ACMSD: variants seen among roughly 807,000 people sequenced by gnomAD.
The protein encoded by ACMSD is 2-amino-3-carboxymuconate-6-semialdehyde decarboxylase.
A neutral mutation model predicts 45.9 loss-of-function variants in ACMSD; 37 were observed. The ratio of observed to expected loss-of-function variants is 0.81; its 90% confidence interval spans 0.62 to 1.06. ACMSD has a LOEUF of 1.06. Ranked by LOEUF, ACMSD falls within the 50% of genes least tolerant of loss-of-function variation. ACMSD has a pLI of 0.00. For missense variants in ACMSD, 434 were observed against 420.9 expected (o/e 1.03, Z -0.27); for synonymous variants, 138 against 148.8 (o/e 0.93, Z 0.53).
intron 2 of ACMSD, 63 bp downstream of exon 2, chr2:134,845,340 T>TCACTG: frequency 5.7e-6 from 9 of 1,588,856 alleles, no homozygotes; most frequent in Non-Finnish European, 6.9e-6. Context: ...ATGGGATACC[T>TCACTG]CACTGCAGGC....
At position 134,847,443 on chromosome 2, in the gene ACMSD, GATAGAT is replaced by G. The variant is rs1374191174; in HGVS notation, c.102+2174_102+2179del. On this transcript the variant is annotated intron_variant, in intron 2 of 9. Transcript: ENST00000356140. ...AGATAGATAGATAGATAGATAGATA[GATAGAT>G]ATAGATAGAGATAGAGATAGATATA... Among the ~76,000 whole-genome samples the G allele has an allele frequency of 2.0e-3, 287 of 142,426 alleles. 1 individual carries two copies. The highest frequency in any genetic ancestry group is 7.1e-3 in the African/African-American group (273 of 38,492). The allele number at this position is 142,426 out of a possible 152,430, so 93.4% of individuals were successfully genotyped here.
chr2:134,850,198 C>A (rs1328530662), intron 2 of ACMSD, among the ~76,000 whole-genome samples: 1 of 150,648 alleles, frequency 6.6e-6, no homozygotes, highest in Admixed American at 6.6e-5. Context: ...TTTCATGAAT[C>A]TTCTTTCTCA....
chr2:134,862,852 A>T, intron 4 of ACMSD: 1 of 502,246 alleles, frequency 2.0e-6, no homozygotes, highest in Non-Finnish European at 2.6e-6. Flanking sequence ...AGGGAGCATT[A>T]GGAAAACCAA....
intron 7 of ACMSD, among the ~76,000 whole-genome samples, chr2:134,871,511 G>GT (rs56946830): frequency 0.54 from 78,521 of 145,426 alleles, 21,704 homozygotes; most frequent in Middle Eastern, 0.85. Flanking sequence ...TTTTGTCATT[G>GT]TTTTTTTTTT....
At chr2:134,862,263 T>G (rs188469110) in intron 4 of ACMSD, among the ~76,000 whole-genome samples, 1 of 152,138 alleles carries the variant, frequency 6.6e-6, no homozygotes, top group African/African-American at 2.4e-5. Context: ...TGTACAGTGG[T>G]ACTAGACCAG....
At position 134,901,968 on chromosome 2, in the gene ACMSD, A is replaced by G. The variant is rs1573744038; in HGVS notation, c.*108A>G. 1.5e-6 allele frequency: 1 copy of G among 652,196 alleles called. No individual in the cohort carries two copies. 40.4% of individuals were successfully genotyped at this position (652,196 alleles called of 1,614,324 possible). ...CTATTTTGAACTATTTTACTCAGAA[A>G]TGAATGTCCCAAATATCCTAAATTA... On this transcript the variant is annotated 3_prime_UTR_variant, in exon 10 of 10. Coordinates refer to ENST00000356140, the MANE Select transcript of ACMSD (RefSeq NM_138326.3).
chr2:134,840,167 CAAAAAAAA>C (rs1158518481), intron 1 of ACMSD, among the ~76,000 whole-genome samples: 3 of 23,434 alleles, frequency 1.3e-4, no homozygotes, highest in Non-Finnish European at 2.5e-4. Context: ...CTATACCTAG[CAAAAAAAA>C]AAAAAAAAAA....
chr2:134,869,532 C>T (rs775144764), intron 6 of ACMSD, among the ~76,000 whole-genome samples: 77 of 151,978 alleles, frequency 5.1e-4, no homozygotes, highest in Non-Finnish European at 5.1e-4. Context: ...ATTTATATTG[C>T]AACAGGAGAG....
intron 2 of ACMSD, among the ~76,000 whole-genome samples, chr2:134,856,185 G>A (rs1687572603): frequency 6.6e-6 from 1 of 152,160 alleles, no homozygotes; most frequent in Non-Finnish European, 1.5e-5. Context: ...AATTTTTTAA[G>A]GTAAGTCATT....
Position 134,885,301 on chromosome 2 carries a change from A to G in ACMSD, c.849+12660A>G, listed in dbSNP as rs796817588. 0.026 allele frequency among the ~76,000 whole-genome samples: 2,241 copies of G among 85,200 alleles called. 206 individuals are homozygous for G. In the East Asian group the frequency reaches 0.44, roughly 17 times the overall value. 55.9% of individuals were successfully genotyped at this position (85,200 alleles called of 152,430 possible). A position where few individuals can be genotyped will look rare whatever the true frequency, so the allele number is the denominator to read the frequency against. On this transcript the variant is annotated intron_variant, in intron 8 of 9. Coordinates refer to ENST00000356140, the MANE Select transcript of ACMSD (RefSeq NM_138326.3). ...TATTATATATTATATTTATATATAT[A>G]TTTAAATATATATATATAAATATAT... is the stretch of plus-strand genomic sequence containing the variant.
At chr2:134,899,725 G>A (rs1319317053) in intron 9 of ACMSD, among the ~76,000 whole-genome samples, 1 of 152,048 alleles carries the variant, frequency 6.6e-6, no homozygotes, top group Non-Finnish European at 1.5e-5. Flanking sequence ...TCATTGTAAC[G>A]CTGTAATACT....
chr2:134,854,401 C>A (rs899882079), intron 2 of ACMSD, among the ~76,000 whole-genome samples: 2 of 152,224 alleles, frequency 1.3e-5, no homozygotes, highest in African/African-American at 4.8e-5. Flanking sequence ...ATGATCAATG[C>A]CCACATTCAC....
intron 4 of ACMSD, 151 bp from the exon 5 acceptor site, chr2:134,863,244 G>T: frequency 1.0e-6 from 1 of 966,768 alleles, no homozygotes. Context: ...TCTGTGGCCA[G>T]CACCTTTCCC....
In ACMSD at chr2:134,838,689, A is replaced by C. The variant is rs1686643731; in HGVS notation, c.7A>C (p.Ile3Leu). The C allele has an allele frequency of 6.2e-7, 1 of 1,607,156 alleles. No homozygotes were observed. Among genetic ancestry groups the C allele is most frequent in the South Asian group, 1.1e-5 (1 of 88,134 alleles). Residue 3 changes from isoleucine to leucine, a missense_variant, in exon 1 of 10, where the codon ATT (isoleucine) becomes CTT (leucine). Transcript: ENST00000356140. MK[I>L]DIHSHILPKE... is the part of the protein sequence containing the mutation. ...CTTCTCTGATCCTGTGGAGATGAAA[A>C]TTGACATCCATAGTCATATTCTACC...
In ACMSD at chr2:134,887,402, C is replaced by CT. The variant is rs1156271109; in HGVS notation, c.850-10934dup. 4.7e-3 allele frequency among the ~76,000 whole-genome samples: 717 copies of CT among 152,090 alleles called. 9 individuals are homozygous for CT. The highest frequency in any genetic ancestry group is 0.016 in the African/African-American group (675 of 41,512). Reference sequence around the variant, plus strand: ...TAAAGAATCCAGATATATATCCATTCTTTTTCTTTCTTTCTTTCTGAGACA... The same window carrying CT: ...TAAAGAATCCAGATATATATCCATTCTTTTTTCTTTCTTTCTTTCTGAGACA... On this transcript the variant is annotated intron_variant, in intron 8 of 9. Coordinates refer to ENST00000356140, the MANE Select transcript of ACMSD (RefSeq NM_138326.3).
At chr2:134,852,770 C>T (rs919070420) in intron 2 of ACMSD, among the ~76,000 whole-genome samples, 1 of 152,104 alleles carries the variant, frequency 6.6e-6, no homozygotes, top group African/African-American at 2.4e-5. Flanking sequence ...ACCTCGAGCC[C>T]AACCAGCATG....
intron 8 of ACMSD, among the ~76,000 whole-genome samples, chr2:134,884,212 T>A (rs1261489605): frequency 6.6e-6 from 1 of 152,250 alleles, no homozygotes; most frequent in East Asian, 1.9e-4. Context: ...AAATAATAAT[T>A]CAACATTGCC....
At chr2:134,861,555 C>G (rs578012766) in intron 3 of ACMSD, among the ~76,000 whole-genome samples, 2 of 152,242 alleles carry the variant, frequency 1.3e-5, no homozygotes, top group South Asian at 4.1e-4. Flanking sequence ...AACTCAGGGT[C>G]CCATTCTGGG....
intron 7 of ACMSD, among the ~76,000 whole-genome samples, chr2:134,871,721 T>C (rs113242523): frequency 1.6e-5 from 2 of 123,200 alleles, no homozygotes; most frequent in African/African-American, 6.1e-5. Context: ...ACAATCAAAC[T>C]ACACATGTTA....
Sources: gnomAD v4.1 joint callset for allele counts (sites outside exome capture counted in the v4.1 genomes callset) on GRCh38, gnomAD v4.1.1 for gene constraint, MANE v1.5 for transcripts, NCBI Gene and HGNC (gene_info 2026-07-23, HGNC 2026-07-21) for gene names.